DOCK4: variants seen among roughly 807,000 people sequenced by gnomAD.
The protein encoded by DOCK4 is dedicator of cytokinesis protein 4.
DOCK4 carries 97 observed loss-of-function variants against 268.1 expected under a neutral mutation model. That is an observed-to-expected ratio of 0.36 (90% confidence interval 0.31 to 0.43). The LOEUF is 0.43. Ranked by LOEUF, DOCK4 falls within the 20% of genes least tolerant of loss-of-function variation. DOCK4 has a pLI of 1.00. For missense variants in DOCK4, 2,145 were observed against 2,455.7 expected, an observed-to-expected ratio of 0.87 and a Z score of 2.67; for synonymous variants, 954 against 887.2, an observed-to-expected ratio of 1.08 and a Z score of -1.34.
chr7:112,111,389 G>C (rs1469142132), intron 1 of DOCK4, among the ~76,000 whole-genome samples: 1 of 151,984 alleles, frequency 6.6e-6, no homozygotes, highest in Non-Finnish European at 1.5e-5. Flanking sequence ...CATAGGCGGG[G>C]GTCTCAGGTG....
chr7:111,950,292 A>G (rs889198326), intron 8 of DOCK4, among the ~76,000 whole-genome samples: 1 of 152,232 alleles, frequency 6.6e-6, no homozygotes, highest in African/African-American at 2.4e-5. Flanking sequence ...TTTTGTGGCC[A>G]CACAGAAATA....
chr7:111,996,222 G>A (rs961646514), intron 4 of DOCK4, among the ~76,000 whole-genome samples: 27 of 152,248 alleles, frequency 1.8e-4, no homozygotes, highest in African/African-American at 6.5e-4. Flanking sequence ...GAAGACACAA[G>A]AAAGAACATA....
chr7:111,910,295 C>T (rs1280113827), intron 13 of DOCK4, among the ~76,000 whole-genome samples: 2 of 152,204 alleles, frequency 1.3e-5, no homozygotes, highest in Non-Finnish European at 2.9e-5. Flanking sequence ...TGGATGGAAA[C>T]TTGGATCTCC....
At chr7:111,807,364 A>T (rs1490613344) in intron 30 of DOCK4, among the ~76,000 whole-genome samples, 2 of 152,210 alleles carry the variant, frequency 1.3e-5, no homozygotes, top group African/African-American at 4.8e-5. Flanking sequence ...GAAGACTAAG[A>T]AGAGCAGTCT....
At chr7:111,902,838 T>C (rs891872386) in intron 13 of DOCK4, among the ~76,000 whole-genome samples, 1 of 152,108 alleles carries the variant, frequency 6.6e-6, no homozygotes, top group Non-Finnish European at 1.5e-5. Context: ...GGTGGGATCT[T>C]GGCTCACTGC....
chr7:112,072,125 G>A (rs73434657), intron 1 of DOCK4, among the ~76,000 whole-genome samples: 4,250 of 152,180 alleles, frequency 0.028, 230 homozygotes, highest in African/African-American at 0.098. Flanking sequence ...TATCAAAAGA[G>A]CTTCCATATC....
Position 112,139,239 on chromosome 7 carries a change from TG to T in DOCK4, c.37+66862del, listed in dbSNP as rs557286471. On this transcript the variant is annotated intron_variant, in intron 1 of 52. Coordinates refer to ENST00000428084, the MANE Select transcript of DOCK4 (RefSeq NM_001363540.2). ...AAACAACTGCAAATGGTATGGAGGCTGGCTACCACTATATCAACAAAAAAGC... is the reference window on the plus strand; with the variant it reads ...AAACAACTGCAAATGGTATGGAGGCTGCTACCACTATATCAACAAAAAAGC... 8.3e-4 allele frequency among the ~76,000 whole-genome samples: 127 copies of T among 152,294 alleles called. 2 individuals are homozygous for T. The highest frequency in any genetic ancestry group is 2.9e-3 in the African/African-American group (122 of 41,562).
chr7:111,746,003 T>C (rs188202871), intron 44 of DOCK4, among the ~76,000 whole-genome samples: 1 of 152,312 alleles, frequency 6.6e-6, no homozygotes, highest in East Asian at 1.9e-4. Flanking sequence ...TAATAAATTT[T>C]GTTATTTGAC....
At chr7:111,844,143 C>T (rs575023749) in intron 25 of DOCK4, among the ~76,000 whole-genome samples, 26 of 152,004 alleles carry the variant, frequency 1.7e-4, no homozygotes, top group African/African-American at 4.6e-4. Flanking sequence ...GGTGTGGTGG[C>T]GGGCATCTGT....
intron 23 of DOCK4, among the ~76,000 whole-genome samples, chr7:111,852,309 A>G (rs1324893645): frequency 6.6e-6 from 1 of 152,152 alleles, no homozygotes. Flanking sequence ...TTACCAAAAT[A>G]ACCAGGTCTG....
At chr7:112,032,701 T>C (rs1803386046) in intron 1 of DOCK4, among the ~76,000 whole-genome samples, 1 of 152,188 alleles carries the variant, frequency 6.6e-6, no homozygotes, top group South Asian at 2.1e-4. Context: ...TGTGATTTTA[T>C]GTTGTTTATC....
intron 24 of DOCK4, 135 bp from the exon 25 acceptor site, chr7:111,845,032 T>A: frequency 8.1e-7 from 1 of 1,240,782 alleles, no homozygotes; most frequent in Non-Finnish European, 1.1e-6. Context: ...CCTTTTACAG[T>A]AAACAAAGGC....
At chr7:112,003,990 A>G (rs1800647831) in intron 2 of DOCK4, 58 bp downstream of exon 2, 1 of 1,365,262 alleles carries the variant, frequency 7.3e-7, no homozygotes, top group Admixed American at 2.2e-5. Context: ...GTATGGACAG[A>G]ATTTGTAGAC....
chr7:112,045,824 C>T (rs1804777067), intron 1 of DOCK4, among the ~76,000 whole-genome samples: 1 of 152,096 alleles, frequency 6.6e-6, no homozygotes, highest in Non-Finnish European at 1.5e-5. Context: ...AAAAGCAAAG[C>T]CATAGCAAAT....
intron 1 of DOCK4, among the ~76,000 whole-genome samples, chr7:112,183,782 G>A (rs1380893177): frequency 6.6e-6 from 1 of 152,182 alleles, no homozygotes; most frequent in African/African-American, 2.4e-5. Flanking sequence ...GCAGTATTTC[G>A]ATAGTGGTAA....
At chr7:111,863,782 T>C (rs1805752360) in intron 22 of DOCK4, among the ~76,000 whole-genome samples, 1 of 152,154 alleles carries the variant, frequency 6.6e-6, no homozygotes, top group South Asian at 2.1e-4. Flanking sequence ...TAATAAAAAC[T>C]GGGAAATTTT....
chr7:111,906,339 A>G (rs1297794235), intron 13 of DOCK4, among the ~76,000 whole-genome samples: 1 of 152,194 alleles, frequency 6.6e-6, no homozygotes, highest in African/African-American at 2.4e-5. Context: ...ACAAGAAGGA[A>G]GAGGTAGACA....
chr7:111,834,663 C>G lies in DOCK4; in HGVS notation c.2760G>C (p.Leu920=), dbSNP rs754992783. 4 of 1,536,282 alleles carry G rather than the reference C, an allele frequency of 2.6e-6. No individual in the cohort carries two copies. The South Asian group carries it at 5.0e-5, about 19-fold the overall frequency. ...DVTGEFVACL[L]SLLRQMTDRH... ...TATCTGTCATTTGTCGTAATAGGGA[C>G]AGGAGACAAGCAACAAACTCCCCCT... Residue 920 remains leucine (L), a synonymous_variant, in exon 26 of 53, where the codon CTG becomes CTC. Transcript: ENST00000428084.
chr7:111,800,570 G>A (rs1204591339), intron 30 of DOCK4, among the ~76,000 whole-genome samples: 2 of 152,086 alleles, frequency 1.3e-5, no homozygotes, highest in Non-Finnish European at 2.9e-5. Context: ...TAACAAACAG[G>A]TGTCAAACTC....
Sources: gnomAD v4.1 joint callset for allele counts (sites outside exome capture counted in the v4.1 genomes callset) on GRCh38, gnomAD v4.1.1 for gene constraint, MANE v1.5 for transcripts, NCBI Gene and HGNC (gene_info 2026-07-23, HGNC 2026-07-21) for gene names.